Variants in COL10A1 observed in about 807,000 individuals in gnomAD.
COL10A1 encodes collagen alpha-1(X) chain.
Under a neutral mutation model 18.2 loss-of-function variants are expected in COL10A1, and 10 were observed. The ratio of observed to expected loss-of-function variants is 0.55; its 90% CI spans 0.34 to 0.93. COL10A1 has a LOEUF of 0.93. Ranked by LOEUF, COL10A1 falls within the 40% of genes least tolerant of loss-of-function variation. The probability of loss-of-function intolerance (pLI) is 0.02; values close to 1 mark genes in which losing one functional copy is unlikely to be tolerated. For synonymous variants in COL10A1, 330 were observed against 316.6 expected (o/e 1.04, Z -0.45); for missense variants, 897 against 853.5 (o/e 1.05, Z -0.64).
chr6:116,202,355 T>A, the COL10A1 span, among the ~76,000 whole-genome samples: 2 of 152,104 alleles, frequency 1.3e-5, no homozygotes, highest in East Asian at 3.9e-4. Context: ...CCCACTTAAA[T>A]CTAAAGCTGT....
At chr6:116,215,135 A>G in the COL10A1 span, among the ~76,000 whole-genome samples, 1 of 152,134 alleles carries the variant, frequency 6.6e-6, no homozygotes, top group South Asian at 2.1e-4. Context: ...TACTGATATT[A>G]ATGTAGCTCT....
At chr6:116,134,793 A>G (rs1779548810) in intron 1 of COL10A1, among the ~76,000 whole-genome samples, 1 of 152,130 alleles carries the variant, frequency 6.6e-6, no homozygotes, top group South Asian at 2.1e-4. Flanking sequence ...CTGGCTGGCT[A>G]ATAAGTTAGA....
chr6:116,186,080 G>A, the COL10A1 span, among the ~76,000 whole-genome samples: 1,433 of 151,974 alleles, frequency 9.4e-3, 17 homozygotes, highest in African/African-American at 0.031. Context: ...GCAAATTCTC[G>A]CAGCATTTGT....
intron 1 of COL10A1, among the ~76,000 whole-genome samples, chr6:116,158,113 A>G (rs1780242625): frequency 6.6e-6 from 1 of 152,232 alleles, no homozygotes; most frequent in Non-Finnish European, 1.5e-5. Context: ...TCTAGTTTCA[A>G]TAGCTATTAA....
chr6:116,216,951 C>T, the COL10A1 span, among the ~76,000 whole-genome samples: 2 of 152,080 alleles, frequency 1.3e-5, no homozygotes, highest in Non-Finnish European at 2.9e-5. Context: ...AAATTATATT[C>T]TGCAATGGAA....
the COL10A1 span, among the ~76,000 whole-genome samples, chr6:116,196,454 A>G: frequency 6.6e-5 from 10 of 151,968 alleles, no homozygotes; most frequent in East Asian, 1.9e-4. Flanking sequence ...CTATAAATCA[A>G]CCATTATTAG....
chr6:116,158,940 T>C (rs1445970532), upstream of COL10A1, among the ~76,000 whole-genome samples: 1 of 152,206 alleles, frequency 6.6e-6, no homozygotes, highest in Non-Finnish European at 1.5e-5. Flanking sequence ...ATTTCATTTA[T>C]TTGATCCCAT....
intron 1 of COL10A1, among the ~76,000 whole-genome samples, chr6:116,156,040 T>C (rs1311172429): frequency 1.3e-5 from 2 of 152,188 alleles, no homozygotes; most frequent in Non-Finnish European, 2.9e-5. Flanking sequence ...AATAAAACAT[T>C]ATGATAGTCA....
rs767397888 is a variant in COL10A1, at chr6:116,121,581, G to C, written c.535C>G (p.Pro179Ala). ...TGTCCATTCATACCAGGGACTCCTG[G>C]TGCACCCTTTTCTCCAGGAAAGCCC... ...PRGFPGEKGA[P>A]GVPGMNGQKG... The change falls in exon 3 of 3, where the codon CCA (proline) becomes GCA (alanine). Residue 179 changes from proline (P) to alanine (A), a missense_variant. Physicochemically the swap from Pro to Ala is conservative, Grantham distance 27. Coordinates refer to ENST00000651968, the MANE Select transcript of COL10A1 (RefSeq NM_000493.4). 3 of 1,614,036 alleles carry C rather than the reference G, an allele frequency of 1.9e-6. No homozygotes were observed. Among genetic ancestry groups the C allele is most frequent in the Non-Finnish European group, 2.5e-6 (3 of 1,179,982 alleles).
the COL10A1 span, among the ~76,000 whole-genome samples, chr6:116,202,588 A>G: frequency 9.9e-5 from 15 of 152,138 alleles, no homozygotes; most frequent in African/African-American, 3.4e-4. Context: ...GATGCCTGCA[A>G]AGTTCAGTGA....
the COL10A1 span, among the ~76,000 whole-genome samples, chr6:116,199,809 A>C: frequency 6.6e-6 from 1 of 152,104 alleles, no homozygotes; most frequent in Non-Finnish European, 1.5e-5. Flanking sequence ...TAAAATAACC[A>C]TCAATGAGTC....
chr6:116,216,999 T>G, the COL10A1 span, among the ~76,000 whole-genome samples: 1 of 152,204 alleles, frequency 6.6e-6, no homozygotes, highest in Non-Finnish European at 1.5e-5. Context: ...ATGGAAGTGT[T>G]AGCATCCTGG....
intron 1 of COL10A1, among the ~76,000 whole-genome samples, chr6:116,141,579 T>C (rs928791446): frequency 1.3e-5 from 2 of 152,088 alleles, no homozygotes; most frequent in African/African-American, 4.8e-5. Context: ...TTTTTTTTGA[T>C]GACCTTCCTT....
At position 116,119,660 on chromosome 6, in the gene COL10A1, A is replaced by G. The variant is rs986331490; in HGVS notation, c.*413T>C. 4 of 178,538 alleles carry G rather than the reference A, an allele frequency of 2.2e-5. No individual in the cohort carries two copies. Among genetic ancestry groups the G allele is most frequent in the Non-Finnish European group, 3.5e-5 (3 of 84,784 alleles). The allele number at this position is 178,538 out of a possible 1,614,324, so 11.1% of individuals were successfully genotyped here. On this transcript the variant is annotated 3_prime_UTR_variant, in exon 3 of 3. Transcript: ENST00000651968. The stretch of plus-strand genomic sequence containing the variant: ...CTGGATGTTTCCTAGAAGTTCTCAT[A>G]TTCATAGTTAGAAACAGGCTTTTTT...
the COL10A1 span, among the ~76,000 whole-genome samples, chr6:116,175,659 A>AC: frequency 3.9e-5 from 6 of 152,160 alleles, no homozygotes; most frequent in African/African-American, 1.2e-4. Flanking sequence ...TCTATTGACT[A>AC]CTGTTCAAGT....
chr6:116,191,617 A>G, the COL10A1 span, among the ~76,000 whole-genome samples: 1 of 152,058 alleles, frequency 6.6e-6, no homozygotes, highest in Non-Finnish European at 1.5e-5. Context: ...ATTATATGAA[A>G]TGTAGTGCAG....
At chr6:116,180,592 T>C in the COL10A1 span, among the ~76,000 whole-genome samples, 2 of 152,068 alleles carry the variant, frequency 1.3e-5, no homozygotes, top group Non-Finnish European at 2.9e-5. Context: ...CATGATGTGA[T>C]GCAATAAGAA....
the COL10A1 span, among the ~76,000 whole-genome samples, chr6:116,167,679 A>T: frequency 2.0e-5 from 3 of 152,188 alleles, no homozygotes; most frequent in East Asian, 5.8e-4. Context: ...TGAATTGTTC[A>T]TAGGCAATGT....
At chr6:116,156,571 T>C (rs907887759) in intron 1 of COL10A1, among the ~76,000 whole-genome samples, 4 of 152,198 alleles carry the variant, frequency 2.6e-5, no homozygotes, top group African/African-American at 9.6e-5. Context: ...ATTGCAGATA[T>C]ATGAAAGAAA....
Sources: allele counts gnomAD v4.1 joint callset (sites outside exome capture counted in the v4.1 genomes callset), GRCh38; gene constraint gnomAD v4.1.1; transcripts MANE v1.5; gene names NCBI Gene and HGNC (gene_info 2026-07-23, HGNC 2026-07-21).